PIK3C2G: variants seen among roughly 807,000 people sequenced by gnomAD.
PIK3C2G encodes phosphatidylinositol-4-phosphate 3-kinase catalytic subunit type 2 gamma, also known as phosphatidylinositol 3-kinase C2 domain-containing subunit gamma.
A neutral mutation model predicts 181.1 loss-of-function variants in PIK3C2G; 168 were observed. The ratio of observed to expected loss-of-function variants is 0.93; its 90% CI spans 0.82 to 1.05. The LOEUF is 1.05. Ranked by LOEUF, PIK3C2G falls within the 50% of genes least tolerant of loss-of-function variation. PIK3C2G has a pLI of 0.00. For missense variants in PIK3C2G, 1,869 were observed against 1,732.8 expected (o/e 1.08, Z -1.40); for synonymous variants, 573 against 592.2 (o/e 0.97, Z 0.47).
intron 24 of PIK3C2G, among the ~76,000 whole-genome samples, chr12:18,509,909 A>G (rs920931707): frequency 2.0e-5 from 3 of 152,328 alleles, no homozygotes; most frequent in South Asian, 2.1e-4. Flanking sequence ...AATGGAAACA[A>G]TAAGGAATTT....
chr12:18,275,089 G>A (rs1392454225), intron 1 of PIK3C2G, among the ~76,000 whole-genome samples: 1 of 151,982 alleles, frequency 6.6e-6, no homozygotes, highest in Non-Finnish European at 1.5e-5. Context: ...TGAGTTCCGG[G>A]GTCATGACAG....
intron 12 of PIK3C2G, among the ~76,000 whole-genome samples, chr12:18,369,125 G>T (rs1941847607): frequency 1.3e-5 from 2 of 152,172 alleles, no homozygotes; most frequent in Non-Finnish European, 1.5e-5. Flanking sequence ...AGTAGATTCT[G>T]TGTATTTCCC....
chr12:18,340,668 T>C (rs1939051394), intron 9 of PIK3C2G, among the ~76,000 whole-genome samples: 3 of 152,200 alleles, frequency 2.0e-5, no homozygotes, highest in South Asian at 4.1e-4. Context: ...CCAGTTTCTA[T>C]CTAAACATCC....
intron 18 of PIK3C2G, among the ~76,000 whole-genome samples, chr12:18,445,085 G>A (rs1356908519): frequency 1.3e-5 from 2 of 151,644 alleles, no homozygotes; most frequent in Non-Finnish European, 1.5e-5. Context: ...CAGCTGAGGG[G>A]AAAAAAATGG....
the PIK3C2G span, among the ~76,000 whole-genome samples, chr12:18,689,885 AG>A: frequency 0.041 from 6,275 of 152,216 alleles, 446 homozygotes; most frequent in African/African-American, 0.14. Context: ...TATCTGAGCA[AG>A]TCATAAAGTA....
the PIK3C2G span, chr12:18,693,042 G>A: frequency 6.8e-7 from 1 of 1,462,152 alleles, no homozygotes; most frequent in South Asian, 1.1e-5. Flanking sequence ...GAAACCATTA[G>A]AAGAAAAGCA....
At chr12:18,723,319 A>T in the PIK3C2G span, 1 of 1,610,384 alleles carries the variant, frequency 6.2e-7, no homozygotes, top group Admixed American at 1.7e-5. Flanking sequence ...ACCTTCTTCG[A>T]TAGGCTCGTA....
chr12:18,624,672 C>T (rs571194310), intron 31 of PIK3C2G, among the ~76,000 whole-genome samples: 1 of 151,188 alleles, frequency 6.6e-6, no homozygotes, highest in East Asian at 1.9e-4. Context: ...AGGTCCTGGG[C>T]TTTTTTTTGA....
chr12:18,588,243 T>C (rs541461769), intron 29 of PIK3C2G, among the ~76,000 whole-genome samples: 6 of 151,934 alleles, frequency 3.9e-5, no homozygotes, highest in African/African-American at 1.2e-4. Flanking sequence ...AAGGAAAAAT[T>C]GAGAAATGGG....
intron 5 of PIK3C2G, among the ~76,000 whole-genome samples, chr12:18,306,158 G>A (rs1355140049): frequency 1.3e-5 from 2 of 152,002 alleles, no homozygotes; most frequent in Non-Finnish European, 2.9e-5. Context: ...ATATTTGAGT[G>A]AGGAGGCATT....
intron 29 of PIK3C2G, among the ~76,000 whole-genome samples, chr12:18,568,187 C>A (rs983146997): frequency 3.3e-5 from 5 of 152,132 alleles, no homozygotes; most frequent in Non-Finnish European, 7.4e-5. Context: ...GGGATTAGGA[C>A]ATGAACATCT....
chr12:18,357,058 A>C (rs895880149), intron 11 of PIK3C2G, among the ~76,000 whole-genome samples: 55 of 152,292 alleles, frequency 3.6e-4, no homozygotes, highest in Admixed American at 8.5e-4. Context: ...TTATCACATT[A>C]AATTGTTAGG....
chr12:18,582,039 T>C (rs367703898), intron 29 of PIK3C2G, among the ~76,000 whole-genome samples: 1 of 152,090 alleles, frequency 6.6e-6, no homozygotes, highest in East Asian at 1.9e-4. Context: ...AAATTGAGAA[T>C]TGACCACTGG....
intron 16 of PIK3C2G, among the ~76,000 whole-genome samples, chr12:18,403,779 A>G (rs1944377875): frequency 6.6e-6 from 1 of 152,132 alleles, no homozygotes; most frequent in Admixed American, 6.6e-5. Context: ...GGGTACTGAT[A>G]ACTTCCATTA....
intron 31 of PIK3C2G, among the ~76,000 whole-genome samples, chr12:18,637,783 A>G (rs1247246271): frequency 6.6e-6 from 1 of 152,206 alleles, no homozygotes; most frequent in East Asian, 1.9e-4. Context: ...GATTACTCTC[A>G]GTGTGGGTCT....
At position 18,286,901 on chromosome 12, in the gene PIK3C2G, C is replaced by G; in HGVS notation, c.733C>G (p.Leu245Val). The part of the protein sequence containing the change: ...VEVPQSSNTS[L>V]ASFCNKVKKI... Reference sequence around the variant, plus strand: ...AGTACCTCAAAGCAGCAATACGAGTCTGGCCTCTTTTTGCAACAAAGTAAA... The same window carrying G: ...AGTACCTCAAAGCAGCAATACGAGTGTGGCCTCTTTTTGCAACAAAGTAAA... The change falls in exon 3 of 33, where the codon CTG becomes GTG. Residue 245 changes from leucine (L) to valine (V), a missense_variant. Leu to Val is a conservative substitution (Grantham distance 32). Coordinates refer to ENST00000538779, the MANE Select transcript of PIK3C2G (RefSeq NM_001288772.2). 6.4e-7 allele frequency: 1 copy of G among 1,572,706 alleles called. No homozygotes were observed. The highest frequency in any genetic ancestry group is 8.6e-7 in the Non-Finnish European group (1 of 1,158,620).
chr12:18,337,602 C>T (rs1272214453), intron 8 of PIK3C2G, among the ~76,000 whole-genome samples: 1 of 152,084 alleles, frequency 6.6e-6, no homozygotes, highest in Non-Finnish European at 1.5e-5. Context: ...AATCAGGTGT[C>T]TCACGTGGCG....
intron 8 of PIK3C2G, among the ~76,000 whole-genome samples, chr12:18,327,248 T>C (rs538795871): frequency 6.6e-6 from 1 of 152,232 alleles, no homozygotes; most frequent in Non-Finnish European, 1.5e-5. Context: ...GTAAATATCT[T>C]AGAAATGAGG....
At chr12:18,659,594 T>G in the PIK3C2G span, among the ~76,000 whole-genome samples, 1 of 152,024 alleles carries the variant, frequency 6.6e-6, no homozygotes, top group African/African-American at 2.4e-5. Flanking sequence ...GATATCCACA[T>G]TAGAATCACA....
Sources: allele counts gnomAD v4.1 joint callset (sites outside exome capture counted in the v4.1 genomes callset), GRCh38; gene constraint gnomAD v4.1.1; transcripts MANE v1.5; gene names NCBI Gene and HGNC (gene_info 2026-07-23, HGNC 2026-07-21).